The following RADIL variants were observed in gnomAD, a reference collection of about 807,000 sequenced individuals.
The protein encoded by RADIL is ras-associating and dilute domain-containing protein.
A neutral mutation model predicts 97.6 loss-of-function variants in RADIL; 99 were observed. The ratio of observed to expected loss-of-function variants is 1.01; its 90% CI spans 0.86 to 1.20. The LOEUF is 1.20. RADIL is among the 50% of genes most tolerant of loss of function. The pLI is 0.00. For synonymous variants in RADIL, 803 were observed against 691.8 expected, an observed-to-expected ratio of 1.16 and a Z score of -2.52; for missense variants, 1,765 against 1,498.9, an observed-to-expected ratio of 1.18 and a Z score of -2.93.
chr7:4,853,458 G>A, intron 2 of RADIL, among the ~76,000 whole-genome samples: 1 of 151,988 alleles, frequency 6.6e-6, no homozygotes, highest in Non-Finnish European at 1.5e-5. Flanking sequence ...GATGCTGGGG[G>A]TAGGCCGGGC....
chr7:4,860,409 C>G lies in RADIL; in HGVS notation c.535+17196G>C, dbSNP rs968758574. ...TTACTATTCACTGCTTGCCTATAAA[C>G]AGTATCTGTGAAAGACTGGATATCA... On this transcript the variant is annotated intron_variant, in intron 2 of 14. Transcript: ENST00000399583. 1.4e-5 allele frequency: 23 copies of G among 1,613,970 alleles called. No homozygotes were observed. The Middle Eastern group carries it at 6.6e-4, about 46-fold the overall frequency.
At position 4,878,770 on chromosome 7, in the gene RADIL, C is replaced by T. The variant is rs180999726; in HGVS notation, c.-64-567G>A. On this transcript the variant is annotated intron_variant, in intron 1 of 14. Coordinates refer to ENST00000399583, the MANE Select transcript of RADIL (RefSeq NM_018059.5). The surrounding 1 kb of genome is among the most constrained non-coding windows in gnomAD (Gnocchi z 4.1). ...TTTCTGGAAAGTGCTGGGCGCAGCG[C>T]CCGTGTGCAGTGAGCATCAAGGAGC... Among the ~76,000 whole-genome samples, 1 of 152,372 alleles carries T rather than the reference C, an allele frequency of 6.6e-6. No homozygotes were observed. Among genetic ancestry groups the T allele is most frequent in the Admixed American group, 6.5e-5 (1 of 15,302 alleles).
At chr7:4,829,162 G>T (rs967154812) in intron 5 of RADIL, among the ~76,000 whole-genome samples, 1 of 152,210 alleles carries the variant, frequency 6.6e-6, no homozygotes, top group South Asian at 2.1e-4. Flanking sequence ...CCACTGTAGG[G>T]GCCCGGGCCT....
intron 7 of RADIL, 79 bp from the exon 8 acceptor site, chr7:4,816,544 C>A: frequency 8.2e-7 from 1 of 1,221,256 alleles, no homozygotes; most frequent in South Asian, 1.3e-5. Flanking sequence ...ACCCAGCGAG[C>A]TCCCCACCCA....
Position 4,872,549 on chromosome 7 carries a change from C to G in RADIL, c.535+5056G>C, listed in dbSNP as rs2115046893. On this transcript the variant is annotated intron_variant, in intron 2 of 14. Transcript: ENST00000399583. This position sits in a 1 kb window ranked among gnomAD's most constrained non-coding sequence, Gnocchi z 5.8. ...GCTGTCTTATCTCGGTGACAGGACC[C>G]AGGCCCCTCTGTGGGGCACCAGCCC... Among the ~76,000 whole-genome samples the G allele has an allele frequency of 6.6e-6, 1 of 152,164 alleles. No homozygotes were observed. The highest frequency in any genetic ancestry group is 1.9e-4 in the East Asian group (1 of 5,156).
At chr7:4,832,826 C>T (rs1446150625) in intron 4 of RADIL, among the ~76,000 whole-genome samples, 6 of 151,246 alleles carry the variant, frequency 4.0e-5, no homozygotes, top group Admixed American at 2.0e-4. Context: ...TGGCTGAGTG[C>T]GCGTAGACTA....
chr7:4,799,742 A>G lies in RADIL; in HGVS notation c.3010T>C (p.Tyr1004His). The G allele has an allele frequency of 6.4e-7, 1 of 1,554,022 alleles. No individual in the cohort carries two copies. The highest frequency in any genetic ancestry group is 8.7e-7 in the Non-Finnish European group (1 of 1,154,214). Residue 1004 changes from tyrosine to histidine, a missense_variant, in exon 14 of 15, where the codon TAC (tyrosine) becomes CAC (histidine). By Grantham distance (83) the Tyr-to-His change is moderately conservative (BLOSUM62 2). Transcript: ENST00000399583. ...MHTHLGAPGL[Y>H]IQTLLPGSPA... ...CTGCCCGGGAGCAGGGTCTGGATGT[A>G]GAGCCCGGGGGCGCCCAGGTGCGTG...
chr7:4,818,397 G>A lies in RADIL; in HGVS notation c.1616-1046C>T, dbSNP rs1361380743. Among the ~76,000 whole-genome samples the A allele has an allele frequency of 7.2e-5, 11 of 152,206 alleles. No individual in the cohort carries two copies. Among genetic ancestry groups the A allele is most frequent in the Non-Finnish European group, 1.5e-5 (1 of 68,032 alleles). ...AAGCCCCTGTCACTTTCGCTCTGCC[G>A]CTCCTGGTGCTCCTCCTTCAGGGGC... On this transcript the variant is annotated intron_variant, in intron 6 of 14. Transcript: ENST00000399583. The surrounding 1 kb of genome is among the most constrained non-coding windows in gnomAD (Gnocchi z 7.1).
At chr7:4,804,998 G>A (rs918627155) in intron 10 of RADIL, among the ~76,000 whole-genome samples, 2 of 152,098 alleles carry the variant, frequency 1.3e-5, no homozygotes, top group Admixed American at 1.3e-4. Flanking sequence ...GGAGGCTGAG[G>A]TAGGAGAATC....
intron 4 of RADIL, among the ~76,000 whole-genome samples, chr7:4,833,480 C>G (rs1783204831): frequency 6.6e-6 from 1 of 152,142 alleles, no homozygotes; most frequent in African/African-American, 2.4e-5. Flanking sequence ...AAATCCCAAG[C>G]CGGGAACCCG....
intron 9 of RADIL, among the ~76,000 whole-genome samples, chr7:4,807,780 T>C (rs1431092091): frequency 8.4e-5 from 4 of 47,484 alleles, no homozygotes; most frequent in African/African-American, 9.3e-5. Flanking sequence ...TCTCTCCCCT[T>C]CCTCCTCCGT....
chr7:4,815,414 A>G lies in RADIL; in HGVS notation c.2003T>C (p.Val668Ala). 6.4e-7 allele frequency: 1 copy of G among 1,560,854 alleles called. No individual in the cohort carries two copies. Among genetic ancestry groups the G allele is most frequent in the Non-Finnish European group, 8.7e-7 (1 of 1,152,056 alleles). Reference protein sequence around the residue: ...SLSCFHWPRGVQACARLQQLL... With the variant: ...SLSCFHWPRGAQACARLQQLL... ...CTGCTGCAGGCGGGCGCAGGCCTGG[A>G]CACCTCTGGGCCAGTGGAAGCAGCT... Residue 668 changes from valine to alanine, a missense_variant, in exon 9 of 15, where the codon GTC becomes GCC. Val to Ala is a moderately conservative substitution (Grantham distance 64). Transcript: ENST00000399583. This position sits in a 1 kb window ranked among gnomAD's most constrained non-coding sequence, Gnocchi z 8.0.
chr7:4,860,643 C>G, intron 2 of RADIL: 14 of 1,614,178 alleles, frequency 8.7e-6, no homozygotes, highest in Non-Finnish European at 1.2e-5. Flanking sequence ...CCCACCCATT[C>G]TAAATGTTGT....
chr7:4,853,387 C>T (rs958250163), intron 2 of RADIL, among the ~76,000 whole-genome samples: 12 of 152,080 alleles, frequency 7.9e-5, no homozygotes, highest in African/African-American at 2.9e-4. Flanking sequence ...TTTTAAATAG[C>T]AGAAAGGAAG....
chr7:4,861,553 A>G (rs1783997330), intron 2 of RADIL: 1 of 1,614,048 alleles, frequency 6.2e-7, no homozygotes, highest in East Asian at 2.2e-5. Context: ...CAGACTGGGG[A>G]AGACTCTTGC....
chr7:4,806,228 C>A (rs1304848626), intron 9 of RADIL, among the ~76,000 whole-genome samples: 1 of 152,266 alleles, frequency 6.6e-6, no homozygotes. Context: ...CAGCTCACCG[C>A]AGCCTCGACC....
At chr7:4,876,131 G>T (rs1784371606) in intron 2 of RADIL, among the ~76,000 whole-genome samples, 1 of 152,006 alleles carries the variant, frequency 6.6e-6, no homozygotes, top group South Asian at 2.1e-4. Flanking sequence ...TGGGACCATA[G>T]GTATGCACCA....
chr7:4,833,411 G>A (rs1466158586), intron 4 of RADIL, among the ~76,000 whole-genome samples: 1 of 152,106 alleles, frequency 6.6e-6, no homozygotes, highest in Non-Finnish European at 1.5e-5. Flanking sequence ...GACATCACCT[G>A]GCCCTGTGTC....
At chr7:4,848,925 G>A (rs2115018607) in intron 2 of RADIL, among the ~76,000 whole-genome samples, 1 of 152,214 alleles carries the variant, frequency 6.6e-6, no homozygotes, top group African/African-American at 2.4e-5. Context: ...GATCACCTGA[G>A]GTCAGGAGTT....
Sources: allele counts gnomAD v4.1 joint callset (sites outside exome capture counted in the v4.1 genomes callset), GRCh38; gene constraint gnomAD v4.1.1; non-coding constraint Gnocchi (gnomAD v3.1); transcripts MANE v1.5; gene names NCBI Gene and HGNC (gene_info 2026-07-23, HGNC 2026-07-21).